The following CELF4 variants were observed in gnomAD, a reference collection of about 807,000 sequenced individuals.
CELF4 encodes CUGBP Elav-like family member 4, also known as CUG-BP- and ETR-3-like factor 4.
CELF4 carries 18 observed loss-of-function variants against 59.9 expected under a neutral mutation model. The ratio of observed to expected loss-of-function variants is 0.30; its 90% CI spans 0.21 to 0.45. The LOEUF is 0.45. Ranked by LOEUF, CELF4 falls within the 20% of genes least tolerant of loss-of-function variation. The pLI, the probability that CELF4 is intolerant of heterozygous loss-of-function variation, is 1.00. For synonymous variants in CELF4, 261 were observed against 267.1 expected (o/e 0.98, Z 0.22); for missense variants, 456 against 689.0 (o/e 0.66, Z 3.79).
At chr18:37,535,717 G>A (rs113844819) in intron 1 of CELF4, among the ~76,000 whole-genome samples, 1,653 of 152,284 alleles carry the variant, frequency 0.011, 30 homozygotes, top group African/African-American at 0.037. Context: ...CACCCCTGGG[G>A]AAAGGGGCGG....
At chr18:37,429,441 G>T (rs963210085) in intron 2 of CELF4, among the ~76,000 whole-genome samples, 5 of 152,144 alleles carry the variant, frequency 3.3e-5, no homozygotes, top group African/African-American at 9.7e-5. Flanking sequence ...CATTGTGTGT[G>T]CATGTCTGTG....
chr18:37,264,790 G>A (rs1026963291), intron 9 of CELF4, 33 bp from the exon 10 acceptor site: 10 of 1,514,506 alleles, frequency 6.6e-6, no homozygotes, highest in East Asian at 2.4e-5. Flanking sequence ...AAGAGCCGGC[G>A]ACAAGGCAGA....
intron 2 of CELF4, among the ~76,000 whole-genome samples, chr18:37,333,041 G>T (rs568970471): frequency 1.3e-5 from 2 of 152,342 alleles, no homozygotes; most frequent in African/African-American, 4.8e-5. Context: ...TCTTCAGGGT[G>T]GGGGAGTGAG....
At chr18:37,273,678 G>GGACA (rs1411554688) in intron 6 of CELF4, 2 of 987,268 alleles carry the variant, frequency 2.0e-6, no homozygotes, top group East Asian at 2.3e-4. Flanking sequence ...TGGCCAAGGC[G>GGACA]GACAGTACTG....
chr18:37,264,661 C>A lies in CELF4; in HGVS notation c.1249+13G>T, dbSNP rs1233258630. 10 of 1,563,476 alleles carry A rather than the reference C, an allele frequency of 6.4e-6. No homozygotes were observed. The highest frequency in any genetic ancestry group is 8.7e-6 in the Non-Finnish European group (10 of 1,153,122). ...GGGGAGGGAGGGGCCCAGGAGCTGG[C>A]CTGCAGACTCACCTTCTCTCTGCTG... On this transcript the variant is annotated intron_variant, in intron 10 of 12. Coordinates refer to ENST00000420428, the MANE Select transcript of CELF4 (RefSeq NM_020180.4).
chr18:37,252,716 C>G (rs1302062801), intron 12 of CELF4, among the ~76,000 whole-genome samples: 1 of 148,080 alleles, frequency 6.8e-6, no homozygotes, highest in African/African-American at 2.5e-5. Context: ...AGCCAACAAT[C>G]TCGACATACT....
At chr18:37,336,574 G>T (rs557767035) in intron 2 of CELF4, among the ~76,000 whole-genome samples, 342 of 152,298 alleles carry the variant, frequency 2.2e-3, no homozygotes, top group African/African-American at 7.9e-3. Context: ...ATTTCCAAAA[G>T]CCTGCTATGA....
intron 12 of CELF4, among the ~76,000 whole-genome samples, chr18:37,252,621 G>C (rs1465781912): frequency 6.6e-6 from 1 of 150,940 alleles, no homozygotes; most frequent in Non-Finnish European, 1.5e-5. Flanking sequence ...TTCCCTCAGA[G>C]GCGGGGGCAT....
chr18:37,284,025 C>CG (rs2094483060), intron 3 of CELF4, among the ~76,000 whole-genome samples: 1 of 4,442 alleles, frequency 2.3e-4, no homozygotes, highest in Non-Finnish European at 4.6e-4. Flanking sequence ...TGCACACACA[C>CG]CCAACACACA....
At chr18:37,420,540 A>G (rs1425073949) in intron 2 of CELF4, among the ~76,000 whole-genome samples, 4 of 152,162 alleles carry the variant, frequency 2.6e-5, no homozygotes, top group Non-Finnish European at 5.9e-5. Flanking sequence ...TGCTGGGAGC[A>G]CTGGGTGGAG....
Position 37,274,300 on chromosome 18 carries a change from C to G in CELF4, c.801+11G>C, listed in dbSNP as rs761749100. 6.2e-7 allele frequency: 1 copy of G among 1,610,270 alleles called. No homozygotes were observed. The highest frequency in any genetic ancestry group is 1.1e-5 in the South Asian group (1 of 90,786). On this transcript the variant is annotated intron_variant, in intron 6 of 12. Coordinates refer to ENST00000420428, the MANE Select transcript of CELF4 (RefSeq NM_020180.4). ...GCTTGAGAACCGCTGCCCGTGCGCG[C>G]TGCCACTTACTGCCTGAGCGTAGGC...
intron 2 of CELF4, among the ~76,000 whole-genome samples, chr18:37,346,821 T>C (rs547640277): frequency 6.6e-6 from 1 of 152,208 alleles, no homozygotes; most frequent in African/African-American, 2.4e-5. Context: ...GGGGGCAGCA[T>C]GTCTCATGCT....
chr18:37,541,787 C>T (rs1211406590), intron 1 of CELF4, among the ~76,000 whole-genome samples: 1 of 151,994 alleles, frequency 6.6e-6, no homozygotes, highest in Non-Finnish European at 1.5e-5. Context: ...CTTTCTCCCG[C>T]CATGTCTGCT....
intron 1 of CELF4, among the ~76,000 whole-genome samples, chr18:37,486,743 C>T (rs2099882137): frequency 6.6e-6 from 1 of 152,244 alleles, no homozygotes; most frequent in Non-Finnish European, 1.5e-5. Flanking sequence ...GGCTGCCTCT[C>T]TTGTTCCTCT....
chr18:37,478,716 A>T (rs1010057569), intron 2 of CELF4, among the ~76,000 whole-genome samples: 1 of 152,212 alleles, frequency 6.6e-6, no homozygotes, highest in African/African-American at 2.4e-5. Context: ...GTGGAAGAGC[A>T]GAGGCAAGTT....
At chr18:37,340,669 G>C (rs8098910) in intron 2 of CELF4, among the ~76,000 whole-genome samples, 21 of 152,306 alleles carry the variant, frequency 1.4e-4, no homozygotes, top group East Asian at 1.9e-4. Context: ...TGAGATCCCT[G>C]AGCAGAGGTG....
intron 1 of CELF4, among the ~76,000 whole-genome samples, chr18:37,526,659 C>A (rs1409776787): frequency 6.6e-6 from 1 of 152,224 alleles, no homozygotes; most frequent in Non-Finnish European, 1.5e-5. Flanking sequence ...ATACCACAAC[C>A]TGCCTCAGGA....
At chr18:37,523,184 C>T (rs2154604746) in intron 1 of CELF4, among the ~76,000 whole-genome samples, 1 of 152,246 alleles carries the variant, frequency 6.6e-6, no homozygotes, top group Admixed American at 6.5e-5. Flanking sequence ...TAGTCTATAT[C>T]TGATGAGGAA....
At chr18:37,398,525 T>C (rs972955407) in intron 2 of CELF4, among the ~76,000 whole-genome samples, 1 of 152,170 alleles carries the variant, frequency 6.6e-6, no homozygotes, top group Non-Finnish European at 1.5e-5. Flanking sequence ...GGCTTCCTGC[T>C]GTGGCCCAGG....
Sources: allele counts gnomAD v4.1 joint callset (sites outside exome capture counted in the v4.1 genomes callset), GRCh38; gene constraint gnomAD v4.1.1; transcripts MANE v1.5; gene names NCBI Gene and HGNC (gene_info 2026-07-23, HGNC 2026-07-21).